Variants in PHACTR4 observed in about 807,000 individuals in gnomAD.
PHACTR4 encodes the protein phosphatase and actin regulator 4.
A neutral mutation model predicts 72.7 loss-of-function variants in PHACTR4; 51 were observed. The ratio of observed to expected loss-of-function variants is 0.70; its 90% CI spans 0.56 to 0.89. PHACTR4 has a LOEUF of 0.89. Ranked by LOEUF, PHACTR4 falls within the 40% of genes least tolerant of loss-of-function variation. The pLI is 0.00. For synonymous variants in PHACTR4, 255 were observed against 302.5 expected, an observed-to-expected ratio of 0.84 and a Z score of 1.63; for missense variants, 731 against 861.8, an observed-to-expected ratio of 0.85 and a Z score of 1.90.
At chr1:28,473,138 T>C (rs1659678026) in intron 6 of PHACTR4, among the ~76,000 whole-genome samples, 1 of 151,666 alleles carries the variant, frequency 6.6e-6, no homozygotes. Flanking sequence ...AGCCGGGCCG[T>C]AGTGGCGTGC....
chr1:28,475,743 T>TTTTTTTTTTTTTTTTTTA (rs1659877591), intron 7 of PHACTR4, among the ~76,000 whole-genome samples: 1 of 151,196 alleles, frequency 6.6e-6, no homozygotes, highest in Non-Finnish European at 1.5e-5. Flanking sequence ...TTTTTTTTTT[T>TTTTTTTTTTTTTTTTTTA]GAGATAGAAT....
At chr1:28,380,522 A>G (rs536151349) in intron 1 of PHACTR4, among the ~76,000 whole-genome samples, 1 of 152,276 alleles carries the variant, frequency 6.6e-6, no homozygotes, top group Admixed American at 6.5e-5. Flanking sequence ...TCTACTCTCC[A>G]ATAGGCACCA....
At chr1:28,493,140 AAAAATTGT>A in intron 13 of PHACTR4, 49 bp downstream of exon 13, 1 of 1,526,920 alleles carries the variant, frequency 6.5e-7, no homozygotes, top group Non-Finnish European at 9.1e-7. Context: ...GAGTTTTCCA[AAAAATTGT>A]TCAGATATGA....
At chr1:28,429,445 T>C (rs1248449147) in intron 2 of PHACTR4, among the ~76,000 whole-genome samples, 1 of 152,116 alleles carries the variant, frequency 6.6e-6, no homozygotes, top group Non-Finnish European at 1.5e-5. Context: ...GTCTCGACGT[T>C]TTTTCTGGCC....
At chr1:28,387,605 G>C (rs1652661263) in intron 1 of PHACTR4, among the ~76,000 whole-genome samples, 1 of 152,134 alleles carries the variant, frequency 6.6e-6, no homozygotes, top group South Asian at 2.1e-4. Flanking sequence ...AGGGTGAAAG[G>C]CTGGGCATGG....
intron 2 of PHACTR4, among the ~76,000 whole-genome samples, chr1:28,415,748 A>G (rs997170794): frequency 6.6e-6 from 1 of 152,332 alleles, no homozygotes; most frequent in African/African-American, 2.4e-5. Context: ...ATTTAAAGCT[A>G]GTTGCAAAGG....
At chr1:28,465,991 G>A in intron 5 of PHACTR4, 142 bp downstream of exon 5, 1 of 832,112 alleles carries the variant, frequency 1.2e-6, no homozygotes, top group Non-Finnish European at 1.8e-6. Context: ...GCAACTTCAA[G>A]GGGAATTTCC....
rs1196677531 is a variant in PHACTR4 at position 28,500,049 on chromosome 1, T to A, written c.*3500T>A. ...GAGCTACTTGTTCGCCTTCTGTGCGTCACCAAGTAATCTGGTTCATCTTTC... is the reference window on the plus strand; with the variant it reads ...GAGCTACTTGTTCGCCTTCTGTGCGACACCAAGTAATCTGGTTCATCTTTC... On this transcript the variant is annotated 3_prime_UTR_variant, in exon 14 of 14. Transcript: ENST00000373839. The A allele has an allele frequency of 1.3e-5, 2 of 152,200 alleles. No individual in the cohort carries two copies. Among genetic ancestry groups the A allele is most frequent in the Non-Finnish European group, 2.9e-5 (2 of 68,050 alleles). The allele number at this position is 152,200 out of a possible 1,614,324, so 9.4% of individuals were successfully genotyped here.
intron 5 of PHACTR4, 79 bp from the exon 6 acceptor site, chr1:28,466,303 A>C (rs1311736551): frequency 2.7e-6 from 4 of 1,472,636 alleles, no homozygotes; most frequent in Non-Finnish European, 3.7e-6. Context: ...ATTGGCCACA[A>C]ATTCATAGAT....
chr1:28,396,845 C>CTTTTTTTTTTTTTTTTTTTTTTT (rs60578939), intron 1 of PHACTR4, among the ~76,000 whole-genome samples: 1 of 119,666 alleles, frequency 8.4e-6, no homozygotes, highest in African/African-American at 3.3e-5. Flanking sequence ...TTCTTTCTTT[C>CTTTTTTTTTTTTTTTTTTTTTTT]TTTTTTTTTT....
chr1:28,447,477 C>T (rs913431065), intron 2 of PHACTR4, among the ~76,000 whole-genome samples: 1 of 151,362 alleles, frequency 6.6e-6, no homozygotes, highest in African/African-American at 2.4e-5. Flanking sequence ...ACAACCTCTG[C>T]CTCCTGGATT....
At chr1:28,418,428 T>G (rs1168697420) in intron 2 of PHACTR4, among the ~76,000 whole-genome samples, 3 of 148,132 alleles carry the variant, frequency 2.0e-5, no homozygotes, top group African/African-American at 7.4e-5. Flanking sequence ...TTGCAGTGAC[T>G]CAAGATTGCG....
intron 8 of PHACTR4, among the ~76,000 whole-genome samples, chr1:28,479,036 C>A (rs1380598947): frequency 6.6e-6 from 1 of 152,166 alleles, no homozygotes; most frequent in Non-Finnish European, 1.5e-5. Context: ...CTAATCCCAG[C>A]ACTTTGGGAG....
intron 2 of PHACTR4, among the ~76,000 whole-genome samples, chr1:28,452,128 A>C (rs1267721306): frequency 2.0e-5 from 3 of 152,170 alleles, no homozygotes; most frequent in Admixed American, 2.0e-4. Flanking sequence ...CACAGGTTTC[A>C]ACTGTGTGGG....
chr1:28,395,925 A>G (rs541861394), intron 1 of PHACTR4, among the ~76,000 whole-genome samples: 1 of 142,304 alleles, frequency 7.0e-6, no homozygotes, highest in African/African-American at 2.8e-5. Flanking sequence ...CGGCCTCCCA[A>G]AGTGCTGGGA....
chr1:28,462,974 G>A (rs1032127862), intron 4 of PHACTR4, among the ~76,000 whole-genome samples: 1 of 152,144 alleles, frequency 6.6e-6, no homozygotes. Flanking sequence ...CAGTGTGGGA[G>A]GATCCCTTGA....
intron 13 of PHACTR4, 81 bp from the exon 14 acceptor site, chr1:28,496,453 A>C: frequency 6.7e-7 from 1 of 1,488,496 alleles, no homozygotes; most frequent in Non-Finnish European, 9.4e-7. Context: ...AATTAGGTAT[A>C]ACATTTCATT....
chr1:28,490,541 A>AAAAG (rs1660966700), intron 10 of PHACTR4, among the ~76,000 whole-genome samples: 1 of 151,794 alleles, frequency 6.6e-6, no homozygotes, highest in Non-Finnish European at 1.5e-5. Context: ...CAAAAAAAAA[A>AAAAG]AAGAAAAAAA....
chr1:28,453,793 C>T (rs1658156962), intron 2 of PHACTR4: 6 of 892,670 alleles, frequency 6.7e-6, no homozygotes, highest in Admixed American at 3.6e-5. Context: ...CACATTGGTG[C>T]GTCCTGACAA....
Sources: allele counts gnomAD v4.1 joint callset (sites outside exome capture counted in the v4.1 genomes callset), GRCh38; gene constraint gnomAD v4.1.1; transcripts MANE v1.5; gene names NCBI Gene and HGNC (gene_info 2026-07-23, HGNC 2026-07-21).